The following LRRC37A variants were observed in gnomAD, a reference collection of about 807,000 sequenced individuals.
LRRC37A encodes the protein leucine-rich repeat-containing protein 37A.
Under a neutral mutation model 35.4 loss-of-function variants are expected in LRRC37A, and 3 were observed. The ratio of observed to expected loss-of-function variants is 0.08; its 90% CI spans 0.04 to 0.22. LRRC37A has a LOEUF of 0.22. LRRC37A is among the 10% of genes least tolerant of loss of function. LRRC37A has a pLI of 1.00. For synonymous variants in LRRC37A, 23 were observed against 215.0 expected, an observed-to-expected ratio of 0.11 and a Z score of 7.81; for missense variants, 67 against 565.3, an observed-to-expected ratio of 0.12 and a Z score of 8.94.
At chr17:46,304,927 GGT>G (rs2050470355) in intron 3 of LRRC37A, among the ~76,000 whole-genome samples, 1 of 67,934 alleles carries the variant, frequency 1.5e-5, no homozygotes, top group Non-Finnish European at 4.6e-5. Flanking sequence ...GGAGTGCAGT[GGT>G]GCGATCTCGG....
At chr17:46,315,924 T>C (rs543994265) in intron 5 of LRRC37A, among the ~76,000 whole-genome samples, 1 of 71,634 alleles carries the variant, frequency 1.4e-5, no homozygotes, top group Non-Finnish European at 3.9e-5. Context: ...CTTTTTCTTT[T>C]TTTTTTTTCT....
chr17:46,264,508 G>A, the LRRC37A span, among the ~76,000 whole-genome samples: 4 of 152,228 alleles, frequency 2.6e-5, no homozygotes, highest in Admixed American at 6.5e-5. Context: ...CAAGCAACCT[G>A]ATGATAACTT....
chr17:46,333,200 T>G (rs181967462), intron 10 of LRRC37A, among the ~76,000 whole-genome samples: 4 of 88,228 alleles, frequency 4.5e-5, no homozygotes, highest in Non-Finnish European at 6.2e-5. Context: ...TACAAAAATT[T>G]TTGGCCACAT....
chr17:46,278,408 T>TTTG, the LRRC37A span, among the ~76,000 whole-genome samples: 4 of 147,020 alleles, frequency 2.7e-5, no homozygotes, highest in Non-Finnish European at 5.9e-5. Flanking sequence ...TTTGTTTTTT[T>TTTG]TTTGTTGTTG....
upstream of LRRC37A, among the ~76,000 whole-genome samples, chr17:46,288,155 A>ACTATTTT (rs2049968363): frequency 7.2e-6 from 1 of 139,810 alleles, no homozygotes; most frequent in Non-Finnish European, 1.7e-5. Flanking sequence ...GTTACCACTA[A>ACTATTTT]CTTTTTTCTT....
chr17:46,273,037 G>C, the LRRC37A span, among the ~76,000 whole-genome samples: 1 of 152,186 alleles, frequency 6.6e-6, no homozygotes, highest in African/African-American at 2.4e-5. Context: ...AAGAATTGCT[G>C]TTTAGAATTT....
the LRRC37A span, among the ~76,000 whole-genome samples, chr17:46,263,461 G>C: frequency 6.8e-6 from 1 of 146,220 alleles, no homozygotes; most frequent in Non-Finnish European, 1.5e-5. Context: ...TGAGACAGGA[G>C]AATCGATTGA....
the LRRC37A span, chr17:46,260,482 G>C: frequency 1.3e-6 from 2 of 1,594,726 alleles, no homozygotes; most frequent in East Asian, 4.6e-5. Context: ...CCCAGCCTGG[G>C]GGTGGCCCGC....
exon 9 of LRRC37A, chr17:46,331,201 C>G (rs1227021181): frequency 1.4e-6 from 1 of 729,118 alleles, no homozygotes; most frequent in African/African-American, 1.7e-5. Context: ...ACCGCTTTCA[C>G]AAAACTCGCT....
chr17:46,261,014 A>G, the LRRC37A span, among the ~76,000 whole-genome samples: 1 of 152,202 alleles, frequency 6.6e-6, no homozygotes, highest in Admixed American at 6.5e-5. Flanking sequence ...AGCTAGGAGG[A>G]TGCAAAGGCA....
the LRRC37A span, among the ~76,000 whole-genome samples, chr17:46,262,428 G>A: frequency 6.6e-6 from 1 of 150,906 alleles, no homozygotes; most frequent in African/African-American, 2.5e-5. Flanking sequence ...GCTTAGGCTG[G>A]TTTCAAACTC....
chr17:46,251,862 C>G, the LRRC37A span, among the ~76,000 whole-genome samples: 1 of 151,934 alleles, frequency 6.6e-6, no homozygotes, highest in Non-Finnish European at 1.5e-5. Context: ...CCTTGCTGAG[C>G]TTAGGGCCTG....
At chr17:46,280,569 C>CTT in the LRRC37A span, among the ~76,000 whole-genome samples, 41,571 of 111,960 alleles carry the variant, frequency 0.37, 9,892 homozygotes, top group South Asian at 0.66. Context: ...TGATAGCACA[C>CTT]TTTTTTTTTT....
chr17:46,280,236 C>T, the LRRC37A span, among the ~76,000 whole-genome samples: 3 of 152,160 alleles, frequency 2.0e-5, no homozygotes, highest in Admixed American at 6.5e-5. Flanking sequence ...TGGTGGCAGG[C>T]GCCTGTAATC....
chr17:46,259,019 ATTTTTTTTTTTTTTT>A, the LRRC37A span, among the ~76,000 whole-genome samples: 93 of 79,444 alleles, frequency 1.2e-3, no homozygotes, highest in South Asian at 4.4e-3. Flanking sequence ...CACCCGGCCT[ATTTTTTTTTTTTTTT>A]TTTTTTTTTT....
chr17:46,277,207 A>G, the LRRC37A span, among the ~76,000 whole-genome samples: 7 of 152,256 alleles, frequency 4.6e-5, no homozygotes, highest in Non-Finnish European at 1.0e-4. Flanking sequence ...GCTACATAAA[A>G]TAACCAGGTG....
the LRRC37A span, among the ~76,000 whole-genome samples, chr17:46,266,772 C>G: frequency 6.6e-6 from 1 of 152,028 alleles, no homozygotes; most frequent in Non-Finnish European, 1.5e-5. Flanking sequence ...CCTCAGCCGC[C>G]GGCCGACAAC....
chr17:46,249,713 C>G, the LRRC37A span, among the ~76,000 whole-genome samples: 9,625 of 132,548 alleles, frequency 0.073, no homozygotes, highest in Middle Eastern at 0.12. Context: ...GGTTTGGGAA[C>G]CTGCAAGAAT....
chr17:46,257,161 A>G, the LRRC37A span, among the ~76,000 whole-genome samples: 2 of 151,898 alleles, frequency 1.3e-5, no homozygotes, highest in African/African-American at 4.8e-5. Flanking sequence ...AAGATTTAAC[A>G]CTAGGCTGGG....
Sources: gnomAD v4.1 joint callset for allele counts (sites outside exome capture counted in the v4.1 genomes callset) on GRCh38, gnomAD v4.1.1 for gene constraint, MANE v1.5 for transcripts, NCBI Gene and HGNC (gene_info 2026-07-23, HGNC 2026-07-21) for gene names.